The following MAN2C1 variants were observed in gnomAD, a reference collection of about 807,000 sequenced individuals.
MAN2C1 encodes mannosidase alpha class 2C member 1.
A neutral mutation model predicts 126.9 loss-of-function variants in MAN2C1; 111 were observed. The ratio of observed to expected loss-of-function variants is 0.87; its 90% CI spans 0.75 to 1.02. MAN2C1 has a LOEUF of 1.02. Ranked by LOEUF, MAN2C1 falls within the 50% of genes least tolerant of loss-of-function variation. The pLI is 0.00. For missense variants in MAN2C1, 1,363 were observed against 1,364.4 expected, an observed-to-expected ratio of 1.00 and a Z score of 0.02; for synonymous variants, 567 against 561.5, an observed-to-expected ratio of 1.01 and a Z score of -0.14.
At chr15:75,367,406 G>T in intron 3 of MAN2C1, 105 bp downstream of exon 3, 2 of 1,441,912 alleles carry the variant, frequency 1.4e-6, no homozygotes, top group Non-Finnish European at 1.9e-6. Flanking sequence ...CACCCTGTGG[G>T]CAGAGCAACT....
At position 75,362,157 on chromosome 15, in the gene MAN2C1, C is replaced by T. The variant is rs949066260; in HGVS notation, c.1008+186G>A. On this transcript the variant is annotated intron_variant, in intron 8 of 25. Transcript: ENST00000267978. The surrounding 1 kb of genome is among the most constrained non-coding windows in gnomAD (Gnocchi z 4.5). ...GACTAGGCCATGCAACTTGTCACAG[C>T]GCTGGAGGCTCTCCTCCCCCTTGAA... is the stretch of plus-strand genomic sequence containing the variant. The T allele has an allele frequency of 2.1e-5, 14 of 666,740 alleles. No homozygotes were observed. The highest frequency in any genetic ancestry group is 1.4e-4 in the East Asian group (5 of 36,890). 41.3% of individuals were successfully genotyped at this position (666,740 alleles called of 1,614,324 possible). A position where few individuals can be genotyped will look rare whatever the true frequency, so the allele number is the denominator to read the frequency against.
Position 75,358,475 on chromosome 15 carries a change from C to A in MAN2C1, c.2390G>T (p.Arg797Leu). The A allele has an allele frequency of 1.2e-6, 2 of 1,613,530 alleles. No individual in the cohort carries two copies. The highest frequency in any genetic ancestry group is 1.7e-6 in the Non-Finnish European group (2 of 1,179,966). ...CCCCCCGACTACCTCGGTGTGGAAGCGGACATAGGGGCAGCCAACGTCCAG... is the reference window on the plus strand; with the variant it reads ...CCCCCCGACTACCTCGGTGTGGAAGAGGACATAGGGGCAGCCAACGTCCAG... ...VVLDVGCPYV[R>L]FHTEVHWHEA... is the part of the protein sequence containing the mutation. Residue 797 changes from arginine (R) to leucine (L), a missense_variant, in exon 20 of 26, where the codon CGC becomes CTC. Arg to Leu is a moderately radical substitution (Grantham distance 102). Transcript: ENST00000267978.
At position 75,368,159 on chromosome 15, in the gene MAN2C1, G is replaced by C. The variant is rs776328432; in HGVS notation, c.141C>G (p.Ser47Arg). Residue 47 changes from serine to arginine, a missense_variant, in exon 2 of 26, where the codon AGC becomes AGG. This residue lies in a region of MAN2C1 where 628 missense variants were observed against 609.8 expected (regional missense o/e 1.03). Transcript: ENST00000267978. Reference protein sequence around the residue: ...GASCPVAVLSSFLTPERLPYQ... With the variant: ...GASCPVAVLSRFLTPERLPYQ... ...AGGGAAGTCTCTCCGGCGTCAGGAA[G>C]CTGGAGAGCACAGCCACAGGGCAGC... 1 of 1,604,660 alleles carries C rather than the reference G, an allele frequency of 6.2e-7. No individual in the cohort carries two copies. Among genetic ancestry groups the C allele is most frequent in the Non-Finnish European group, 8.5e-7 (1 of 1,177,138 alleles).
At chr15:75,364,413 TTA>T in intron 5 of MAN2C1, 73 bp downstream of exon 5, 1 of 1,441,280 alleles carries the variant, frequency 6.9e-7, no homozygotes, top group Non-Finnish European at 9.2e-7. Context: ...AGAGTCCCAT[TTA>T]TCTGACCCAA....
rs1567274495 is a variant in MAN2C1 at position 75,358,748 on chromosome 15, CA to C, written c.2201del (p.Leu734CysfsTer78). On this transcript the variant is annotated frameshift_variant, in exon 19 of 26. Transcript: ENST00000267978. LOFTEE classifies it high-confidence loss of function. Reference protein sequence around the residue: ...NQFVLFDDVPLYWDAWDVMDY... With the variant: ...NQFVLFDDVPXYWDAWDVMDY... ...CCATGACGTCCCATGCATCCCAGTA[CA>C]AGGGGACATCATCAAATAGCACAAA... 1.2e-6 allele frequency: 2 copies of C among 1,613,838 alleles called. No homozygotes were observed. Among genetic ancestry groups the C allele is most frequent in the Admixed American group, 3.3e-5 (2 of 59,978 alleles).
chr15:75,359,320 G>C lies in MAN2C1; in HGVS notation c.2046+8C>G. On this transcript the variant is annotated splice_region_variant and intron_variant, in intron 17 of 25. Transcript: ENST00000267978. ...CAGTTCCTGCCCCCCAGGGCATGCA[G>C]GACTCACCTCTTGCACTACGAACAC... The C allele has an allele frequency of 6.3e-7, 1 of 1,584,962 alleles. No individual in the cohort carries two copies. The highest frequency in any genetic ancestry group is 8.6e-7 in the Non-Finnish European group (1 of 1,163,850).
At position 75,368,558 on chromosome 15, in the gene MAN2C1, T is replaced by C; in HGVS notation, c.26A>G (p.His9Arg). 2 of 1,550,988 alleles carry C rather than the reference T, an allele frequency of 1.3e-6. No individual in the cohort carries two copies. Among genetic ancestry groups the C allele is most frequent in the Non-Finnish European group, 1.7e-6 (2 of 1,148,498 alleles). ...CACCCGCTCCAGCGTGGTGCGCCAG[T>C]GCTTCAAGGCCGGCGCAGCCGCCAT... MAAAPALK[H>R]WRTTLERVEK... Residue 9 changes from histidine (H) to arginine (R), a missense_variant, in exon 1 of 26, where the codon CAC becomes CGC. Around this residue, in one of 3 missense-constraint regions of MAN2C1, gnomAD observed 628 missense variants for 609.8 expected, o/e 1.03. Coordinates refer to ENST00000267978, the MANE Select transcript of MAN2C1 (RefSeq NM_006715.4).
Position 75,359,955 on chromosome 15 carries a change from C to G in MAN2C1, c.1740G>C (p.Val580=). 6.2e-7 allele frequency: 1 copy of G among 1,613,714 alleles called. No homozygotes were observed. The highest frequency in any genetic ancestry group is 8.5e-7 in the Non-Finnish European group (1 of 1,179,792). The change falls in exon 15 of 26, where the codon GTG becomes GTC. Residue 580 remains valine, a synonymous_variant. Transcript: ENST00000267978. The stretch of plus-strand genomic sequence containing the variant: ...CCACCATCTGGATGCAGCTTCCAGT[C>G]ACCACATCATGGAACTGGTTCAGAA... ...LLLLNQFHDV[V]TGSCIQMVAE... is the part of the protein sequence containing the mutation.
At position 75,364,533 on chromosome 15, in the gene MAN2C1, G is replaced by A; in HGVS notation, c.555C>T (p.Val185=). The A allele has an allele frequency of 6.2e-7, 1 of 1,606,582 alleles. No homozygotes were observed. Among genetic ancestry groups the A allele is most frequent in the Non-Finnish European group, 8.5e-7 (1 of 1,176,422 alleles). The change falls in exon 5 of 26, where the codon GTC becomes GTT. Residue 185 remains valine (V), a synonymous_variant. Coordinates refer to ENST00000267978, the MANE Select transcript of MAN2C1 (RefSeq NM_006715.4). The stretch of plus-strand genomic sequence containing the variant: ...GCTCCAGATCCACCAGGAGCATGTG[G>A]ACATCCCGGTGGAACACAGCTAGCT... The part of the protein sequence containing the change: ...RAELAVFHRD[V]HMLLVDLELL...
In MAN2C1 at chr15:75,358,192, A is replaced by G; in HGVS notation, c.2547+9T>C. 6.2e-7 allele frequency: 1 copy of G among 1,614,016 alleles called. No individual in the cohort carries two copies. The highest frequency in any genetic ancestry group is 1.1e-5 in the South Asian group (1 of 91,080). ...AGTCCAAGGCCACTCCCACCCTGCCATGTCAGACCTCAAATCGAGCCCAGT... is the reference window on the plus strand; with the variant it reads ...AGTCCAAGGCCACTCCCACCCTGCCGTGTCAGACCTCAAATCGAGCCCAGT... On this transcript the variant is annotated intron_variant, in intron 21 of 25. Coordinates refer to ENST00000267978, the MANE Select transcript of MAN2C1 (RefSeq NM_006715.4).
rs553816734 is a variant in MAN2C1 at position 75,361,497 on chromosome 15, G to A, written c.1218+107C>T. 1.6e-5 allele frequency: 20 copies of A among 1,262,534 alleles called. No individual in the cohort carries two copies. The African/African-American group carries it at 2.3e-4, about 15-fold the overall frequency. The allele number at this position is 1,262,534 out of a possible 1,614,324, so 78.2% of individuals were successfully genotyped here. ...GCTATGTGACCCTGGCAGAGGCAGAGTGAGGGTTTGGTGGTCTGTCTAGGA... is the reference window on the plus strand; with the variant it reads ...GCTATGTGACCCTGGCAGAGGCAGAATGAGGGTTTGGTGGTCTGTCTAGGA... On this transcript the variant is annotated intron_variant, in intron 10 of 25. Coordinates refer to ENST00000267978, the MANE Select transcript of MAN2C1 (RefSeq NM_006715.4). This position sits in a 1 kb window ranked among gnomAD's most constrained non-coding sequence, Gnocchi z 5.0.
Position 75,359,899 on chromosome 15 carries a change from T to C in MAN2C1, c.1792+4A>G, listed in dbSNP as rs373266454. ...AGAGCAGGCAGGACTATTGTGAGCC[T>C]AACCTTCATAATGGCACATGGCTTC... On this transcript the variant is annotated splice_donor_region_variant and intron_variant, in intron 15 of 25. Coordinates refer to ENST00000267978, the MANE Select transcript of MAN2C1 (RefSeq NM_006715.4). 1,001 of 1,611,816 alleles carry C rather than the reference T, an allele frequency of 6.2e-4. 5 individuals carry two copies. Among genetic ancestry groups the C allele is most frequent in the Non-Finnish European group, 7.4e-4 (868 of 1,178,904 alleles).
chr15:75,356,551 AAGGGCAGAGAGGTGTCT>A lies in MAN2C1; in HGVS notation c.2737+38_2737+54del. ...AGGTTGCTGGGGTTTGGGCTCAGGGAAGGGCAGAGAGGTGTCTAGGGCTGCAGGAAGGCCCCACCGTC... is the reference window on the plus strand; with the variant it reads ...AGGTTGCTGGGGTTTGGGCTCAGGGAAGGGCTGCAGGAAGGCCCCACCGTC... On this transcript the variant is annotated intron_variant, in intron 23 of 25. Coordinates refer to ENST00000267978, the MANE Select transcript of MAN2C1 (RefSeq NM_006715.4). This position sits in a 1 kb window ranked among gnomAD's most constrained non-coding sequence, Gnocchi z 5.8. 1.9e-6 allele frequency: 3 copies of A among 1,548,250 alleles called. No homozygotes were observed. Among genetic ancestry groups the A allele is most frequent in the Non-Finnish European group, 2.6e-6 (3 of 1,144,496 alleles).
rs1033314699 is a variant in MAN2C1, at chr15:75,355,821, A to G, written c.*85T>C. Reference sequence around the variant, plus strand: ...CGATCCAAGGATTTATTCCACAAGAAAAGACTGATCCCTGCTTTAGGCTGG... The same window carrying G: ...CGATCCAAGGATTTATTCCACAAGAGAAGACTGATCCCTGCTTTAGGCTGG... On this transcript the variant is annotated 3_prime_UTR_variant, in exon 26 of 26. Transcript: ENST00000267978. The G allele has an allele frequency of 2.0e-6, 3 of 1,536,954 alleles. No individual in the cohort carries two copies. The highest frequency in any genetic ancestry group is 2.7e-6 in the Non-Finnish European group (3 of 1,122,380).
Position 75,360,215 on chromosome 15 carries a change from A to T in MAN2C1, c.1585-4T>A. ...ATTCCCGGTTCCCCTTCTTGATCTG[A>T]GCCCAGGATGGGAAGATTAGTCTGG... is the stretch of plus-strand genomic sequence containing the variant. On this transcript the variant is annotated splice_polypyrimidine_tract_variant and splice_region_variant and intron_variant, in intron 13 of 25. Transcript: ENST00000267978. 1 of 1,607,600 alleles carries T rather than the reference A, an allele frequency of 6.2e-7. No homozygotes were observed. Among genetic ancestry groups the T allele is most frequent in the Non-Finnish European group, 8.5e-7 (1 of 1,179,920 alleles).
Position 75,355,986 on chromosome 15 carries a change from G to C in MAN2C1, c.3043C>G (p.Arg1015Gly), listed in dbSNP as rs139418901. The C allele has an allele frequency of 1.9e-6, 3 of 1,613,944 alleles. No homozygotes were observed. Among genetic ancestry groups the C allele is most frequent in the Non-Finnish European group, 2.5e-6 (3 of 1,179,986 alleles). Reference protein sequence around the residue: ...RPDPAGHLTLRDNRLKLTFSP... With the variant: ...RPDPAGHLTLGDNRLKLTFSP... ...AAGGTGAGCTTCAGGCGGTTGTCCC[G>C]AAGGGTCAAGTGGCCAGCAGGGTCT... Residue 1015 changes from arginine to glycine, a missense_variant, in exon 26 of 26, where the codon CGG (arginine) becomes GGG (glycine). By Grantham distance (125) the Arg-to-Gly change is moderately radical (BLOSUM62 -2). Around this residue, in one of 3 missense-constraint regions of MAN2C1, gnomAD observed 668 missense variants for 650.1 expected, o/e 1.03. Transcript: ENST00000267978.
Position 75,363,886 on chromosome 15 carries a change from C to CAAG in MAN2C1, c.790+112_790+113insCTT, listed in dbSNP as rs1260308155. On this transcript the variant is annotated intron_variant, in intron 6 of 25. Coordinates refer to ENST00000267978, the MANE Select transcript of MAN2C1 (RefSeq NM_006715.4). Reference sequence around the variant, plus strand: ...CCCCGTTTTACAGACGGGGAAAACGCAGGTCCAAGAGGAGCAAGAACTTGC... The same window carrying CAAG: ...CCCCGTTTTACAGACGGGGAAAACGCAAGAGGTCCAAGAGGAGCAAGAACTTGC... 9.9e-4 allele frequency: 1,163 copies of CAAG among 1,174,798 alleles called. 15 individuals are homozygous for CAAG. In the East Asian group the frequency reaches 0.027, roughly 27 times the overall value. 72.8% of individuals were successfully genotyped at this position (1,174,798 alleles called of 1,614,324 possible).
At chr15:75,358,907 G>T in intron 18 of MAN2C1, 99 bp from the exon 19 acceptor site, 1 of 1,371,386 alleles carries the variant, frequency 7.3e-7, no homozygotes, top group South Asian at 1.2e-5. Flanking sequence ...CAGTGGACAG[G>T]GGACTACTGC....
In MAN2C1 at chr15:75,356,465, G is replaced by A. The variant is rs182099849; in HGVS notation, c.2738-16C>T. The stretch of plus-strand genomic sequence containing the variant: ...TGGAAAGAGCCTGGGGTACGACCAG[G>A]AAACAATGCTGGTGGAGAATGGGGG... On this transcript the variant is annotated splice_polypyrimidine_tract_variant and intron_variant, in intron 23 of 25. Transcript: ENST00000267978. This position sits in a 1 kb window ranked among gnomAD's most constrained non-coding sequence, Gnocchi z 5.8. 9.4e-4 allele frequency: 1,495 copies of A among 1,586,592 alleles called. 2 individuals carry two copies. Among genetic ancestry groups the A allele is most frequent in the Non-Finnish European group, 1.1e-3 (1,303 of 1,167,956 alleles).
Sources: allele counts gnomAD v4.1 joint callset, GRCh38; gene constraint gnomAD v4.1.1; regional missense constraint gnomAD v4.1.1; non-coding constraint Gnocchi (gnomAD v3.1); transcripts MANE v1.5; gene names NCBI Gene and HGNC (gene_info 2026-07-23, HGNC 2026-07-21).